ACYP2: variants seen among roughly 807,000 people sequenced by gnomAD.
ACYP2 encodes the protein acylphosphatase 2.
In ACYP2, 12 loss-of-function variants were observed where a neutral mutation model predicts 11.2. That is an observed-to-expected ratio of 1.08 (90% CI 0.69 to 1.74). ACYP2 has a LOEUF of 1.74. Ranked by LOEUF, ACYP2 falls within the 40% of genes most tolerant of loss-of-function variation. The probability of loss-of-function intolerance (pLI) is 0.00; values close to 1 mark genes in which losing one functional copy is unlikely to be tolerated. For synonymous variants in ACYP2, 43 were observed against 32.2 expected (o/e 1.33, Z -1.13); for missense variants, 134 against 101.9 (o/e 1.31, Z -1.35).
At chr2:54,219,573 A>C (rs1324608810) in intron 6 of ACYP2, among the ~76,000 whole-genome samples, 1 of 152,166 alleles carries the variant, frequency 6.6e-6, no homozygotes, top group Non-Finnish European at 1.5e-5. Context: ...CGAATTAATT[A>C]ATCACTAATG....
intron 2 of ACYP2, among the ~76,000 whole-genome samples, chr2:54,020,568 C>A (rs1161936701): frequency 6.6e-6 from 1 of 152,240 alleles, no homozygotes; most frequent in East Asian, 1.9e-4. Context: ...CAAATACCCA[C>A]AAACTGCTCC....
chr2:54,297,192 T>A (rs1292776888), intron 6 of ACYP2, among the ~76,000 whole-genome samples: 2 of 148,124 alleles, frequency 1.4e-5, no homozygotes, highest in African/African-American at 5.3e-5. Flanking sequence ...CTGGATAGCC[T>A]AAGAAATTTG....
At chr2:54,290,343 G>A (rs1689250132) in intron 6 of ACYP2, among the ~76,000 whole-genome samples, 1 of 151,886 alleles carries the variant, frequency 6.6e-6, no homozygotes, top group Admixed American at 6.6e-5. Context: ...ATCTAACGAA[G>A]TCGGCCGTAA....
At chr2:54,256,299 C>G in intron 6 of ACYP2, 1 of 811,684 alleles carries the variant, frequency 1.2e-6, no homozygotes, top group Non-Finnish European at 2.0e-6. Flanking sequence ...AGTCTCGCGA[C>G]ACTCACTCCT....
At chr2:54,240,645 T>C (rs376614963) in intron 6 of ACYP2, among the ~76,000 whole-genome samples, 4 of 152,322 alleles carry the variant, frequency 2.6e-5, no homozygotes, top group African/African-American at 7.2e-5. Context: ...ACAAGTTGAA[T>C]TCCTAAGACT....
intron 6 of ACYP2, among the ~76,000 whole-genome samples, chr2:54,229,426 A>AT (rs1208623942): frequency 3.3e-5 from 5 of 152,186 alleles, no homozygotes; most frequent in Non-Finnish European, 5.9e-5. Context: ...GGGAGGAATA[A>AT]TTTGATATGA....
At position 54,266,590 on chromosome 2, in the gene ACYP2, C is replaced by CTTTTTTTTTTTTTTTT. The variant is rs138812389; in HGVS notation, c.405-38080_405-38065dup. 3.8e-4 allele frequency among the ~76,000 whole-genome samples: 20 copies of CTTTTTTTTTTTTTTTT among 52,272 alleles called. 6 individuals are homozygous for CTTTTTTTTTTTTTTTT. Among genetic ancestry groups the CTTTTTTTTTTTTTTTT allele is most frequent in the Non-Finnish European group, 4.7e-4 (14 of 29,944 alleles). 34.3% of individuals were successfully genotyped at this position (52,272 alleles called of 152,430 possible). ...TAGATAGATATAGATATCTATCTAT[C>CTTTTTTTTTTTTTTTT]TTTTTTTTTTTTTTTTTTTTTTTTT... On this transcript the variant is annotated intron_variant, in intron 6 of 6. Coordinates refer to ENST00000607452, the MANE Select transcript of ACYP2 (RefSeq NM_001320586.2).
chr2:54,077,973 T>TTTC (rs1491432490), intron 4 of ACYP2, among the ~76,000 whole-genome samples: 2 of 58,450 alleles, frequency 3.4e-5, no homozygotes, highest in Non-Finnish European at 8.3e-5. Context: ...TCTTTCTTTC[T>TTTC]TTTTTTTTTT....
chr2:54,245,039 C>A (rs1300906077), intron 6 of ACYP2, among the ~76,000 whole-genome samples: 1 of 152,142 alleles, frequency 6.6e-6, no homozygotes, highest in Non-Finnish European at 1.5e-5. Context: ...CCCCTTCCCC[C>A]ATCTCCCTAT....
intron 2 of ACYP2, among the ~76,000 whole-genome samples, chr2:53,996,418 G>C (rs1373614266): frequency 6.6e-6 from 1 of 152,180 alleles, no homozygotes; most frequent in African/African-American, 2.4e-5. Flanking sequence ...ATCTGTGAAA[G>C]GAAAGAGGGG....
At chr2:54,064,813 C>T (rs541183768) in intron 4 of ACYP2, among the ~76,000 whole-genome samples, 3 of 152,256 alleles carry the variant, frequency 2.0e-5, no homozygotes, top group African/African-American at 4.8e-5. Context: ...ACCGCCAGCA[C>T]GGTGGCTCAC....
intron 6 of ACYP2, among the ~76,000 whole-genome samples, chr2:54,265,154 T>C (rs1687957461): frequency 6.6e-6 from 1 of 152,152 alleles, no homozygotes; most frequent in Admixed American, 6.5e-5. Flanking sequence ...TTCTCACTGC[T>C]GATAAAGACA....
intron 6 of ACYP2, among the ~76,000 whole-genome samples, chr2:54,157,200 T>G (rs961307004): frequency 6.6e-6 from 1 of 152,190 alleles, no homozygotes; most frequent in Non-Finnish European, 1.5e-5. Flanking sequence ...TTCCTATGCA[T>G]GTAACATGTA....
At chr2:54,278,611 T>C (rs1477614432) in intron 6 of ACYP2, among the ~76,000 whole-genome samples, 1 of 152,194 alleles carries the variant, frequency 6.6e-6, no homozygotes, top group South Asian at 2.1e-4. Context: ...AAGTAGAGAA[T>C]TGTTGGCTTT....
chr2:54,037,447 G>C (rs1423831853), intron 2 of ACYP2, among the ~76,000 whole-genome samples: 2 of 152,052 alleles, frequency 1.3e-5, no homozygotes, highest in African/African-American at 4.8e-5. Flanking sequence ...GTCTTGCTCT[G>C]TCACCCAGGC....
At chr2:53,997,674 C>G (rs559310230) in intron 2 of ACYP2, among the ~76,000 whole-genome samples, 79 of 152,178 alleles carry the variant, frequency 5.2e-4, no homozygotes, top group African/African-American at 1.7e-3. Flanking sequence ...TATGTCATTT[C>G]CTTTGGTGTA....
intron 6 of ACYP2, among the ~76,000 whole-genome samples, chr2:54,292,284 T>C (rs912133650): frequency 2.6e-5 from 4 of 152,156 alleles, no homozygotes; most frequent in African/African-American, 7.2e-5. Context: ...TAAAGCTACA[T>C]TGTCTAATAT....
At chr2:54,112,782 T>TGCC (rs1487049130) in intron 4 of ACYP2, among the ~76,000 whole-genome samples, 1 of 152,242 alleles carries the variant, frequency 6.6e-6, no homozygotes, top group Non-Finnish European at 1.5e-5. Context: ...TGGCAATCCA[T>TGCC]GCCGAAATGG....
intron 6 of ACYP2, among the ~76,000 whole-genome samples, chr2:54,292,743 A>G (rs1183914428): frequency 6.6e-6 from 1 of 151,926 alleles, no homozygotes; most frequent in Non-Finnish European, 1.5e-5. Context: ...TTTGAACTGG[A>G]CTTAACATCT....
Sources: allele counts gnomAD v4.1 joint callset (sites outside exome capture counted in the v4.1 genomes callset), GRCh38; gene constraint gnomAD v4.1.1; transcripts MANE v1.5; gene names NCBI Gene and HGNC (gene_info 2026-07-23, HGNC 2026-07-21).